The following SAMMSON variants were observed in gnomAD, a reference collection of about 807,000 sequenced individuals.
The protein encoded by SAMMSON is survival associated mitochondrial melanoma specific oncogenic non-coding RNA.
chr3:70,187,469 G>A (rs1169540959), intron 4 of SAMMSON, among the ~76,000 whole-genome samples: 1 of 110,824 alleles, frequency 9.0e-6, no homozygotes, highest in Non-Finnish European at 1.7e-5. Context: ...ACGGAGTTTC[G>A]CTCTGTCGCC....
intron 2 of SAMMSON, among the ~76,000 whole-genome samples, chr3:70,397,663 A>G (rs1701103419): frequency 6.6e-6 from 1 of 152,044 alleles, no homozygotes; most frequent in Non-Finnish European, 1.5e-5. Flanking sequence ...TTTTTATTTC[A>G]TCTAATTTCC....
At chr3:70,404,990 A>G (rs1178896680) in intron 2 of SAMMSON, among the ~76,000 whole-genome samples, 1 of 152,208 alleles carries the variant, frequency 6.6e-6, no homozygotes, top group Non-Finnish European at 1.5e-5. Flanking sequence ...TGAGGCCAGC[A>G]AAACCAAAAC....
intron 3 of SAMMSON, among the ~76,000 whole-genome samples, chr3:70,036,049 C>T (rs538217144): frequency 5.5e-4 from 83 of 152,186 alleles, no homozygotes; most frequent in African/African-American, 1.8e-3. Context: ...AATGGGCTTA[C>T]AGTCAGATAA....
At chr3:70,311,507 T>C (rs1267127802) in intron 7 of SAMMSON, among the ~76,000 whole-genome samples, 2 of 152,222 alleles carry the variant, frequency 1.3e-5, no homozygotes, top group Non-Finnish European at 2.9e-5. Flanking sequence ...ATAGCAAGCA[T>C]TCCTTTCTGT....
At chr3:70,342,265 T>A (rs1702717016) in intron 7 of SAMMSON, among the ~76,000 whole-genome samples, 1 of 152,180 alleles carries the variant, frequency 6.6e-6, no homozygotes, top group African/African-American at 2.4e-5. Flanking sequence ...GATCACGTGG[T>A]GTCTATTATA....
In SAMMSON at chr3:70,197,850, GT is replaced by G. The variant is rs1412474251; in HGVS notation, n.508-51253del. On this transcript the variant is annotated intron_variant and non_coding_transcript_variant, in intron 4 of 9. Coordinates refer to ENST00000642114, the Ensembl canonical transcript of SAMMSON. ...AAATACGTCATCATATGCCTAAAAG[GT>G]TTTAAATCTTATCAATCCTCTTTAA... 2.0e-5 allele frequency among the ~76,000 whole-genome samples: 3 copies of G among 152,112 alleles called. No individual in the cohort carries two copies. In the East Asian group the frequency reaches 5.8e-4, roughly 29 times the overall value.
chr3:70,037,846 T>C (rs2067091986), intron 3 of SAMMSON, among the ~76,000 whole-genome samples: 2 of 152,168 alleles, frequency 1.3e-5, no homozygotes. Flanking sequence ...TTTTAAATCT[T>C]ACGTGGAGAG....
intron 2 of SAMMSON, among the ~76,000 whole-genome samples, chr3:70,012,860 A>C (rs1576095400): frequency 6.6e-6 from 1 of 152,110 alleles, no homozygotes; most frequent in East Asian, 1.9e-4. Context: ...TCTCGTACAT[A>C]GATAGGATGG....
At chr3:70,117,407 T>G (rs2067416016) in intron 4 of SAMMSON, among the ~76,000 whole-genome samples, 1 of 152,194 alleles carries the variant, frequency 6.6e-6, no homozygotes, top group African/African-American at 2.4e-5. Flanking sequence ...GATAAATGTC[T>G]TGTCTGTTTG....
chr3:70,007,739 G>C (rs940500527), intron 1 of SAMMSON, among the ~76,000 whole-genome samples: 2 of 151,996 alleles, frequency 1.3e-5, no homozygotes, highest in African/African-American at 4.8e-5. Context: ...TGTCCTGAAT[G>C]GTATTGCTTA....
At chr3:70,352,034 G>T (rs1020026296) in intron 7 of SAMMSON, among the ~76,000 whole-genome samples, 1 of 151,666 alleles carries the variant, frequency 6.6e-6, no homozygotes, top group Non-Finnish European at 1.5e-5. Context: ...TGTCTTTGGA[G>T]TCCTGATAGG....
chr3:70,372,353 C>T (rs1045423586), intron 9 of SAMMSON, among the ~76,000 whole-genome samples: 1 of 151,188 alleles, frequency 6.6e-6, no homozygotes, highest in Admixed American at 6.6e-5. Flanking sequence ...ATTCTGTTGC[C>T]CAGGCTGAAG....
chr3:70,336,136 A>G (rs1470485985), intron 7 of SAMMSON, among the ~76,000 whole-genome samples: 1 of 152,020 alleles, frequency 6.6e-6, no homozygotes, highest in East Asian at 1.9e-4. Flanking sequence ...AGAAAAGTCT[A>G]TGAGCTTAGA....
intron 9 of SAMMSON, among the ~76,000 whole-genome samples, chr3:70,386,585 G>A (rs535469464): frequency 6.6e-6 from 1 of 152,170 alleles, no homozygotes; most frequent in East Asian, 1.9e-4. Context: ...TACAGCTCAT[G>A]TTAAGTTTTT....
chr3:70,368,308 T>G (rs1264213478), intron 9 of SAMMSON, among the ~76,000 whole-genome samples: 2 of 151,634 alleles, frequency 1.3e-5, no homozygotes, highest in East Asian at 3.9e-4. Context: ...TAAAAACATT[T>G]AATGTTAAAC....
rs144120449 is a variant in SAMMSON, at chr3:70,226,988, G to C, written n.508-22119G>C. Among the ~76,000 whole-genome samples, 51 of 152,208 alleles carry C rather than the reference G, an allele frequency of 3.4e-4. No individual in the cohort carries two copies. The East Asian group carries it at 3.9e-3, about 12-fold the overall frequency. On this transcript the variant is annotated intron_variant and non_coding_transcript_variant, in intron 4 of 9. Coordinates refer to ENST00000642114, the Ensembl canonical transcript of SAMMSON. ...GAGAGGCACTGGAGCAGTGGCTCTT[G>C]ATTGACAGGGGATGGACCTCGAAAA...
At chr3:70,404,336 A>T (rs1259532457) in intron 2 of SAMMSON, among the ~76,000 whole-genome samples, 1 of 152,144 alleles carries the variant, frequency 6.6e-6, no homozygotes, top group Non-Finnish European at 1.5e-5. Context: ...TGTGTATCAA[A>T]TTTAGCCTAT....
At chr3:70,072,667 CAG>C (rs1341278187) in intron 4 of SAMMSON, 74 of 94,868 alleles carry the variant, frequency 7.8e-4, no homozygotes, top group Admixed American at 2.2e-3. Flanking sequence ...AAAAAAAAAA[CAG>C]AAAAAAATTT....
rs566987246 is a variant in SAMMSON, at chr3:70,283,734, G to C, written n.675-7445G>C. The C allele has an allele frequency of 2.0e-5, 3 of 148,824 alleles. No homozygotes were observed. The East Asian group carries it at 6.0e-4, about 30-fold the overall frequency. The allele number at this position is 148,824 out of a possible 1,614,324, so 9.2% of individuals were successfully genotyped here. A position where few individuals can be genotyped will look rare whatever the true frequency, so the allele number is the denominator to read the frequency against. ...CAAGTTAGAATCTTGATTTCATACA[G>C]AGTAACAGAGAATAAAGAGTATGTA... On this transcript the variant is annotated intron_variant and non_coding_transcript_variant, in intron 6 of 9. Coordinates refer to ENST00000642114, the Ensembl canonical transcript of SAMMSON.
Sources: gnomAD v4.1 joint callset for allele counts (sites outside exome capture counted in the v4.1 genomes callset) on GRCh38, gnomAD v4.1.1 for gene constraint, MANE v1.5 for transcripts, NCBI Gene and HGNC (gene_info 2026-07-23, HGNC 2026-07-21) for gene names.